Variants in TNPO3 observed in about 807,000 individuals in gnomAD.
The protein encoded by TNPO3 is transportin-3.
A neutral mutation model predicts 122.8 loss-of-function variants in TNPO3; 65 were observed. The observed-to-expected ratio is 0.53, with a 90% confidence interval of 0.43 to 0.65. The LOEUF is 0.65. Among genes scored for constraint, TNPO3 ranks in the 30% least tolerant of loss-of-function variants. TNPO3 has a pLI of 0.00. For missense variants in TNPO3, 850 were observed against 1,136.7 expected, an observed-to-expected ratio of 0.75 and a Z score of 3.63; for synonymous variants, 372 against 411.2, an observed-to-expected ratio of 0.90 and a Z score of 1.15.
At chr7:129,031,672 A>G (rs1051164936) in intron 1 of TNPO3, among the ~76,000 whole-genome samples, 1 of 152,216 alleles carries the variant, frequency 6.6e-6, no homozygotes, top group Non-Finnish European at 1.5e-5. Context: ...AAGAGGAAAG[A>G]ACACTTTCTA....
At chr7:129,003,473 C>A (rs913338487) in intron 5 of TNPO3, among the ~76,000 whole-genome samples, 1 of 151,376 alleles carries the variant, frequency 6.6e-6, no homozygotes, top group Non-Finnish European at 1.5e-5. Context: ...TCAAGACTAG[C>A]CTGGGCAATA....
At chr7:128,962,221 C>T (rs947898363) in intron 21 of TNPO3, among the ~76,000 whole-genome samples, 1 of 151,778 alleles carries the variant, frequency 6.6e-6, no homozygotes, top group African/African-American at 2.4e-5. Context: ...AAAAATTAGC[C>T]GGGCGCGGTG....
chr7:129,017,868 C>G, intron 2 of TNPO3, 89 bp downstream of exon 2: 1 of 1,320,864 alleles, frequency 7.6e-7, no homozygotes, highest in Non-Finnish European at 1.1e-6. Flanking sequence ...GTTAACATTA[C>G]CTCACATGGC....
intron 8 of TNPO3, among the ~76,000 whole-genome samples, chr7:128,996,624 T>A (rs1020390242): frequency 5.3e-5 from 8 of 150,850 alleles, no homozygotes; most frequent in Non-Finnish European, 1.2e-4. Context: ...GTGCCTGTAA[T>A]CCCAGCTACT....
Position 128,989,983 on chromosome 7 carries a change from A to G in TNPO3, c.1476T>C (p.Val492=), listed in dbSNP as rs752801884. 1.9e-6 allele frequency: 3 copies of G among 1,614,198 alleles called. No individual in the cohort carries two copies. Among genetic ancestry groups the G allele is most frequent in the Non-Finnish European group, 2.5e-6 (3 of 1,179,978 alleles). The change falls in exon 11 of 23, where the codon GTT becomes GTC. Residue 492 remains valine (V), a synonymous_variant. Coordinates refer to ENST00000265388, the MANE Select transcript of TNPO3 (RefSeq NM_012470.4). The stretch of plus-strand genomic sequence containing the variant: ...TACCAAGGAACTGAGGATTTCGATC[A>G]ACGACTTCACTCATCTCTCCAACCA... The part of the protein sequence containing the change: ...IELVGEMSEV[V]DRNPQFLDPV...
chr7:128,992,498 T>A (rs73463053), intron 9 of TNPO3, among the ~76,000 whole-genome samples: 16 of 152,298 alleles, frequency 1.1e-4, no homozygotes, highest in African/African-American at 3.8e-4. Flanking sequence ...CTTGTCTGCA[T>A]CAACACTGGT....
chr7:129,043,592 C>T (rs1040939021), intron 1 of TNPO3, among the ~76,000 whole-genome samples: 1 of 152,156 alleles, frequency 6.6e-6, no homozygotes, highest in African/African-American at 2.4e-5. Context: ...TTGTTGGTCA[C>T]ACATAAGATG....
chr7:129,028,617 C>A (rs1805544662), intron 1 of TNPO3, among the ~76,000 whole-genome samples: 1 of 152,238 alleles, frequency 6.6e-6, no homozygotes. Flanking sequence ...CTGCCAACAG[C>A]TCCAGCACTA....
chr7:128,974,722 T>A, intron 18 of TNPO3, 146 bp downstream of exon 18: 1 of 695,482 alleles, frequency 1.4e-6, no homozygotes, highest in Non-Finnish European at 2.5e-6. Flanking sequence ...ATATATCAGC[T>A]TGCAATTTAC....
At chr7:129,028,961 A>G (rs951450265) in intron 1 of TNPO3, 3 of 448,050 alleles carry the variant, frequency 6.7e-6, no homozygotes, top group Non-Finnish European at 1.3e-5. Flanking sequence ...TGCCAAGGAC[A>G]TTCTGGACCA....
chr7:129,053,674 G>A (rs538311131), intron 1 of TNPO3, among the ~76,000 whole-genome samples: 1 of 152,100 alleles, frequency 6.6e-6, no homozygotes, highest in Non-Finnish European at 1.5e-5. Flanking sequence ...AAAAAAATAT[G>A]GTTGTGAGTA....
At chr7:128,965,392 C>T (rs1444055162) in intron 21 of TNPO3, among the ~76,000 whole-genome samples, 1 of 152,192 alleles carries the variant, frequency 6.6e-6, no homozygotes. Flanking sequence ...TATCACTTCA[C>T]ACTTGGTGTG....
chr7:129,008,405 T>C (rs1802816613), intron 4 of TNPO3, among the ~76,000 whole-genome samples: 1 of 151,384 alleles, frequency 6.6e-6, no homozygotes, highest in Non-Finnish European at 1.5e-5. Context: ...GAAAACACAC[T>C]AGATGAGATA....
chr7:128,979,121 T>C lies in TNPO3; in HGVS notation c.1923A>G (p.Ile641Met), dbSNP rs1162447001. The C allele has an allele frequency of 6.2e-7, 1 of 1,613,198 alleles. No homozygotes were observed. Among genetic ancestry groups the C allele is most frequent in the African/African-American group, 1.3e-5 (1 of 75,016 alleles). ...THPCQKVIQE[I>M]WPVLSETLNK... ...TTAGAGTCTCGGATAAAACTGGCCATATCTGGGTCAAAAGTAAAAGAGCAC... is the reference window on the plus strand; with the variant it reads ...TTAGAGTCTCGGATAAAACTGGCCACATCTGGGTCAAAAGTAAAAGAGCAC... Residue 641 changes from isoleucine to methionine, a missense_variant and splice_region_variant, in exon 16 of 23, where the codon ATA becomes ATG. By Grantham distance (10) the Ile-to-Met change is conservative. Transcript: ENST00000265388.
chr7:129,050,895 GA>G (rs1563115285), intron 1 of TNPO3, among the ~76,000 whole-genome samples: 1 of 152,176 alleles, frequency 6.6e-6, no homozygotes. Flanking sequence ...TGGAATCCAA[GA>G]ATCAGTGGAT....
At chr7:129,045,102 A>T (rs999708896) in intron 1 of TNPO3, among the ~76,000 whole-genome samples, 1 of 152,206 alleles carries the variant, frequency 6.6e-6, no homozygotes, top group Admixed American at 6.5e-5. Context: ...CCCATCACAA[A>T]AAGGCTAAAT....
intron 5 of TNPO3, among the ~76,000 whole-genome samples, chr7:129,002,642 G>C (rs1230198044): frequency 6.6e-6 from 1 of 152,166 alleles, no homozygotes; most frequent in Non-Finnish European, 1.5e-5. Flanking sequence ...GTTCGAGCTG[G>C]GCATGGTGGC....
At chr7:128,989,869 C>G in intron 11 of TNPO3, 92 bp downstream of exon 11, 1 of 1,460,518 alleles carries the variant, frequency 6.8e-7, no homozygotes, top group South Asian at 1.3e-5. Flanking sequence ...GTTAAAAAAA[C>G]AGAAAGGAAA....
chr7:128,969,074 T>C (rs1798201134), intron 20 of TNPO3, among the ~76,000 whole-genome samples: 1 of 152,190 alleles, frequency 6.6e-6, no homozygotes, highest in African/African-American at 2.4e-5. Flanking sequence ...TTTCTATTCC[T>C]GTCCAAACTT....
Sources: allele counts gnomAD v4.1 joint callset (sites outside exome capture counted in the v4.1 genomes callset), GRCh38; gene constraint gnomAD v4.1.1; transcripts MANE v1.5; gene names NCBI Gene and HGNC (gene_info 2026-07-23, HGNC 2026-07-21).